Variants in STAG1 observed in about 807,000 individuals in gnomAD.
STAG1 encodes the protein STAG1 cohesin complex component, also known as cohesin subunit SA-1.
Under a neutral mutation model 170.9 loss-of-function variants are expected in STAG1, and 26 were observed. The ratio of observed to expected loss-of-function variants is 0.15; its 90% CI spans 0.11 to 0.21. The LOEUF (loss-of-function observed/expected upper bound fraction) is 0.21. Ranked by LOEUF, STAG1 falls within the 10% of genes least tolerant of loss-of-function variation. STAG1 has a pLI of 1.00. For synonymous variants in STAG1, 514 were observed against 497.7 expected (o/e 1.03, Z -0.44); for missense variants, 964 against 1,509.5 (o/e 0.64, Z 5.99).
chr3:136,450,645 A>G (rs1427758414), intron 14 of STAG1, among the ~76,000 whole-genome samples: 1 of 152,244 alleles, frequency 6.6e-6, no homozygotes, highest in Non-Finnish European at 1.5e-5. Context: ...CTTCACTGAC[A>G]TTCTAGCACA....
At chr3:136,378,582 C>G (rs1937746311) in intron 22 of STAG1, among the ~76,000 whole-genome samples, 1 of 152,128 alleles carries the variant, frequency 6.6e-6, no homozygotes, top group Non-Finnish European at 1.5e-5. Flanking sequence ...GCAGGAAGAT[C>G]ACTTGAGCCC....
At chr3:136,592,406 A>G (rs1455435630) in intron 4 of STAG1, among the ~76,000 whole-genome samples, 1 of 152,166 alleles carries the variant, frequency 6.6e-6, no homozygotes, top group African/African-American at 2.4e-5. Context: ...TGCCCTATAA[A>G]GAGGTACCTT....
intron 1 of STAG1, among the ~76,000 whole-genome samples, chr3:136,667,656 C>T (rs1270438761): frequency 2.0e-5 from 3 of 152,004 alleles, no homozygotes; most frequent in African/African-American, 4.8e-5. Context: ...CCACCACGCC[C>T]AGCTAAGTTT....
At chr3:136,702,809 C>T (rs188336379) in intron 1 of STAG1, among the ~76,000 whole-genome samples, 1 of 152,038 alleles carries the variant, frequency 6.6e-6, no homozygotes, top group Non-Finnish European at 1.5e-5. Flanking sequence ...GTGGCTCACA[C>T]CCGTAATCCC....
intron 1 of STAG1, among the ~76,000 whole-genome samples, chr3:136,700,690 G>T (rs1943030401): frequency 6.6e-6 from 1 of 151,700 alleles, no homozygotes. Context: ...AAAGTGCTGG[G>T]ATTACAGGCA....
At chr3:136,736,828 CTTTG>C in intron 1 of STAG1, 2 of 1,580,814 alleles carry the variant, frequency 1.3e-6, no homozygotes, top group East Asian at 4.5e-5. Context: ...TTCCTTCCTT[CTTTG>C]TTTTTTTCGC....
intron 1 of STAG1, chr3:136,737,048 G>T: frequency 7.2e-7 from 1 of 1,381,242 alleles, no homozygotes; most frequent in Non-Finnish European, 1.0e-6. Flanking sequence ...GTAACTTCAG[G>T]ATCTGAAGAA....
intron 3 of STAG1, among the ~76,000 whole-genome samples, chr3:136,614,071 C>T (rs1939455064): frequency 6.6e-6 from 1 of 152,046 alleles, no homozygotes; most frequent in Non-Finnish European, 1.5e-5. Flanking sequence ...AAAAAATTAG[C>T]CAGGCATGGT....
intron 1 of STAG1, among the ~76,000 whole-genome samples, chr3:136,731,184 G>A (rs568227535): frequency 6.6e-6 from 1 of 152,048 alleles, no homozygotes; most frequent in African/African-American, 2.4e-5. Flanking sequence ...CCTTCAGGAA[G>A]CATTTGCTCA....
rs1220430030 is a variant in STAG1 at position 136,337,966 on chromosome 3, A to G, written c.*288T>C. On this transcript the variant is annotated 3_prime_UTR_variant, in exon 34 of 34. Transcript: ENST00000383202. ...CTTGACAGCTGTTTTAAAAATTTAAAATTTCTTCCTCCCTCCAGAAAAACA... is the reference window on the plus strand; with the variant it reads ...CTTGACAGCTGTTTTAAAAATTTAAGATTTCTTCCTCCCTCCAGAAAAACA... The G allele has an allele frequency of 6.4e-6, 2 of 313,776 alleles. No homozygotes were observed. The highest frequency in any genetic ancestry group is 4.3e-5 in the African/African-American group (2 of 46,752). 19.4% of individuals were successfully genotyped at this position (313,776 alleles called of 1,614,324 possible).
intron 9 of STAG1, among the ~76,000 whole-genome samples, chr3:136,485,992 T>C (rs2090003420): frequency 6.6e-6 from 1 of 152,234 alleles, no homozygotes; most frequent in South Asian, 2.1e-4. Context: ...TTTCTCCCTG[T>C]GCAGATATGT....
chr3:136,473,667 A>G (rs765878205), intron 10 of STAG1, 30 bp from the exon 11 acceptor site: 3 of 1,542,930 alleles, frequency 1.9e-6, no homozygotes, highest in East Asian at 2.3e-5. Flanking sequence ...AGCACAACAG[A>G]AGGAGTCAAT....
At chr3:136,577,131 T>C (rs752650754) in intron 4 of STAG1, among the ~76,000 whole-genome samples, 1 of 152,162 alleles carries the variant, frequency 6.6e-6, no homozygotes, top group African/African-American at 2.4e-5. Context: ...ACGGCAATAA[T>C]TATGGCTGTA....
At chr3:136,522,577 T>C (rs986724464) in intron 6 of STAG1, among the ~76,000 whole-genome samples, 1 of 152,146 alleles carries the variant, frequency 6.6e-6, no homozygotes, top group African/African-American at 2.4e-5. Context: ...ATTATAATTA[T>C]TTTTCACTCT....
intron 7 of STAG1, among the ~76,000 whole-genome samples, chr3:136,505,203 C>T (rs1933695019): frequency 6.6e-6 from 1 of 152,182 alleles, no homozygotes; most frequent in South Asian, 2.1e-4. Flanking sequence ...AGTTAATAAT[C>T]CTGCAGGAAT....
At chr3:136,499,252 C>G (rs1191733127) in intron 9 of STAG1, among the ~76,000 whole-genome samples, 1 of 152,136 alleles carries the variant, frequency 6.6e-6, no homozygotes, top group East Asian at 1.9e-4. Context: ...GTGGCGCAAT[C>G]AAGGCTCACT....
intron 9 of STAG1, among the ~76,000 whole-genome samples, chr3:136,491,337 T>C (rs2107845202): frequency 6.6e-6 from 1 of 152,270 alleles, no homozygotes; most frequent in African/African-American, 2.4e-5. Context: ...TATCTGACAC[T>C]ACCCTTCCCA....
In STAG1 at chr3:136,468,094, G is replaced by A. The variant is rs1048754351; in HGVS notation, c.1206-3106C>T. On this transcript the variant is annotated intron_variant, in intron 12 of 33. Transcript: ENST00000383202. ...TGACAACCTAACATCACAATCGAAAGAACTAGAGAAGGAAGAGCAAACACA... is the reference window on the plus strand; with the variant it reads ...TGACAACCTAACATCACAATCGAAAAAACTAGAGAAGGAAGAGCAAACACA... Among the ~76,000 whole-genome samples the A allele has an allele frequency of 2.6e-5, 4 of 152,234 alleles. No homozygotes were observed. The East Asian group carries it at 5.8e-4, about 22-fold the overall frequency.
rs1576470177 is a variant in STAG1 at position 136,443,151 on chromosome 3, G to C, written c.1546+136C>G. On this transcript the variant is annotated intron_variant, in intron 15 of 33. Transcript: ENST00000383202. ...GATTGACACATCCTTACTTGTTACA[G>C]AAAACAAATTGTTCTCTTGGCAAAA... 14 of 520,292 alleles carry C rather than the reference G, an allele frequency of 2.7e-5. No individual in the cohort carries two copies. In the East Asian group the frequency reaches 4.2e-4, roughly 16 times the overall value. The allele number at this position is 520,292 out of a possible 1,614,324, so 32.2% of individuals were successfully genotyped here.
Sources: allele counts gnomAD v4.1 joint callset (sites outside exome capture counted in the v4.1 genomes callset), GRCh38; gene constraint gnomAD v4.1.1; transcripts MANE v1.5; gene names NCBI Gene and HGNC (gene_info 2026-07-23, HGNC 2026-07-21).